PABPC1L: variants seen among roughly 807,000 people sequenced by gnomAD.
PABPC1L encodes the protein polyadenylate-binding protein 1-like.
Under a neutral mutation model 66.6 loss-of-function variants are expected in PABPC1L, and 31 were observed. That is an observed-to-expected ratio of 0.47 (90% CI 0.35 to 0.63). PABPC1L has a LOEUF of 0.63. Ranked by LOEUF, PABPC1L falls within the 20% of genes least tolerant of loss-of-function variation. PABPC1L has a pLI of 0.00. For missense variants in PABPC1L, 722 were observed against 848.8 expected (o/e 0.85, Z 1.86); for synonymous variants, 348 against 335.1 (o/e 1.04, Z -0.42).
intron 14 of PABPC1L, 93 bp downstream of exon 14, chr20:44,938,841 G>A (rs1013569316): frequency 2.0e-5 from 25 of 1,269,152 alleles, no homozygotes; most frequent in Admixed American, 1.0e-4. Flanking sequence ...GAATTGCGCC[G>A]TGTTCCTGGC....
intron 14 of PABPC1L, 38 bp downstream of exon 14, chr20:44,938,786 G>A: frequency 2.5e-6 from 4 of 1,580,892 alleles, no homozygotes; most frequent in Non-Finnish European, 2.6e-6. Flanking sequence ...GAGCCCGGGA[G>A]AAGCTGTAAG....
rs969647231 is a variant in PABPC1L, at chr20:44,921,627, G to A, written c.772G>A (p.Gly258Arg). 5 of 1,613,974 alleles carry A rather than the reference G, an allele frequency of 3.1e-6. No homozygotes were observed. The highest frequency in any genetic ancestry group is 3.3e-5 in the Admixed American group (2 of 59,992). The change falls in exon 6 of 15, where the codon GGG becomes AGG. Residue 258 changes from glycine (G) to arginine (R), a missense_variant. By Grantham distance (125) the Gly-to-Arg change is moderately radical (BLOSUM62 -2). Around this residue, in one of 3 missense-constraint regions of PABPC1L, gnomAD observed 137 missense variants for 216.8 expected, o/e 0.63. Coordinates refer to ENST00000217073, the MANE Select transcript of PABPC1L (RefSeq NM_001372179.1). ...VVHMNGKEVS[G>R]RLLYAGRAQK... ...CCATATGAACGGGAAGGAGGTGAGC[G>A]GGCGGCTGCTGTACGCGGGCCGGGC...
At chr20:44,922,747 C>T (rs755517088) in intron 6 of PABPC1L, among the ~76,000 whole-genome samples, 7 of 152,206 alleles carry the variant, frequency 4.6e-5, no homozygotes, top group Admixed American at 3.3e-4. Flanking sequence ...ACACAAAACA[C>T]GCACACATAC....
chr20:44,910,615 G>A (rs903963941), intron 1 of PABPC1L, among the ~76,000 whole-genome samples: 2 of 152,108 alleles, frequency 1.3e-5, no homozygotes, highest in Non-Finnish European at 2.9e-5. Flanking sequence ...GCGGACCAGG[G>A]ATAGAAGCCC....
At chr20:44,932,026 G>A (rs148249424) in intron 8 of PABPC1L, 9 of 202,292 alleles carry the variant, frequency 4.4e-5, no homozygotes, top group South Asian at 1.8e-4. Flanking sequence ...AGGCCACCAC[G>A]GTAAGAACAT....
chr20:44,921,751 T>C lies in PABPC1L; in HGVS notation c.876+20T>C, dbSNP rs747000277. 227 of 1,612,610 alleles carry C rather than the reference T, an allele frequency of 1.4e-4. No individual in the cohort carries two copies. The highest frequency in any genetic ancestry group is 1.9e-4 in the Non-Finnish European group (222 of 1,179,600). On this transcript the variant is annotated intron_variant, in intron 6 of 14. Transcript: ENST00000217073. ...TACCAGGTGAGGTCAGGCTTCCTGG[T>C]GGCAGCCACTTCTGTGTGAGAGCAG...
At position 44,916,781 on chromosome 20, in the gene PABPC1L, G is replaced by A. The variant is rs772807340; in HGVS notation, c.413G>A (p.Arg138Gln). 7 of 1,614,160 alleles carry A rather than the reference G, an allele frequency of 4.3e-6. No individual in the cohort carries two copies. The highest frequency in any genetic ancestry group is 2.2e-5 in the East Asian group (1 of 44,882). ...CKVACDEHGS[R>Q]GFGFVHFETH... ...GTGGCGTGTGACGAGCATGGCTCCC[G>A]GGGTTTCGGCTTTGTCCATTTTGAG... Residue 138 changes from arginine to glutamine, a missense_variant, in exon 3 of 15, where the codon CGG (arginine) becomes CAG (glutamine). Arg to Gln is a conservative substitution (Grantham distance 43). Coordinates refer to ENST00000217073, the MANE Select transcript of PABPC1L (RefSeq NM_001372179.1).
chr20:44,916,516 T>G (rs1260848705), intron 2 of PABPC1L, among the ~76,000 whole-genome samples: 1 of 152,126 alleles, frequency 6.6e-6, no homozygotes, highest in African/African-American at 2.4e-5. Flanking sequence ...TCAAGTGATA[T>G]GCCCACCTCG....
intron 7 of PABPC1L, among the ~76,000 whole-genome samples, chr20:44,925,603 G>C (rs1234573809): frequency 6.6e-6 from 1 of 152,184 alleles, no homozygotes; most frequent in East Asian, 1.9e-4. Context: ...GTGATGTTGG[G>C]TTCTGAGGAA....
At chr20:44,927,721 C>T (rs904890845) in intron 7 of PABPC1L, among the ~76,000 whole-genome samples, 1 of 152,122 alleles carries the variant, frequency 6.6e-6, no homozygotes, top group African/African-American at 2.4e-5. Context: ...GACAGAGTCT[C>T]GCTCTATCAC....
intron 9 of PABPC1L, chr20:44,932,770 G>T: frequency 4.0e-6 from 2 of 496,326 alleles, no homozygotes; most frequent in Non-Finnish European, 7.3e-6. Flanking sequence ...AGAGTGAATT[G>T]CACGCTCACT....
chr20:44,921,506 C>T (rs2066772798), intron 5 of PABPC1L, 88 bp from the exon 6 acceptor site: 1 of 1,533,642 alleles, frequency 6.5e-7, no homozygotes. Context: ...GCCTGGTTTG[C>T]AGGTGGCCCC....
At chr20:44,938,873 T>C (rs1266524301) in intron 14 of PABPC1L, 125 bp downstream of exon 14, 1 of 961,986 alleles carries the variant, frequency 1.0e-6, no homozygotes, top group African/African-American at 1.6e-5. Context: ...CACCAAAGAG[T>C]TTGGAGGAAG....
chr20:44,936,647 C>T lies in PABPC1L; in HGVS notation c.1577C>T (p.Pro526Leu), dbSNP rs139734797. ...CCCGGCACCATGCAGGTCCAGGAGCCGGCTGTGCACATCCCAGGACAGGAG... is the reference window on the plus strand; with the variant it reads ...CCCGGCACCATGCAGGTCCAGGAGCTGGCTGTGCACATCCCAGGACAGGAG... ...AAHSTYRVQE[P>L]AVHIPGQEPL... The change falls in exon 12 of 15, where the codon CCG becomes CTG. Residue 526 changes from proline to leucine, a missense_variant. This residue lies in a region of PABPC1L where 301 missense variants were observed against 337.2 expected (regional missense o/e 0.89). Transcript: ENST00000217073. 2,852 of 1,596,790 alleles carry T rather than the reference C, an allele frequency of 1.8e-3. 6 individuals are homozygous for T. The highest frequency in any genetic ancestry group is 2.3e-3 in the Non-Finnish European group (2,650 of 1,172,794).
At chr20:44,925,197 C>T (rs113068009) in intron 7 of PABPC1L, among the ~76,000 whole-genome samples, 3,291 of 129,558 alleles carry the variant, frequency 0.025, 58 homozygotes, top group Middle Eastern at 0.062. Context: ...TGGGCAACAG[C>T]GAGACTCTGT....
chr20:44,918,096 T>C (rs1601109622), intron 3 of PABPC1L, among the ~76,000 whole-genome samples: 1 of 152,080 alleles, frequency 6.6e-6, no homozygotes, highest in East Asian at 1.9e-4. Context: ...GAGGCAGAGG[T>C]GGGTGAATCA....
At chr20:44,920,091 C>T (rs1201214128) in intron 5 of PABPC1L, among the ~76,000 whole-genome samples, 1 of 152,120 alleles carries the variant, frequency 6.6e-6, no homozygotes, top group Non-Finnish European at 1.5e-5. Context: ...CAGCCTCTGC[C>T]ATTATCAATG....
intron 7 of PABPC1L, among the ~76,000 whole-genome samples, chr20:44,926,341 C>T (rs1368786771): frequency 6.6e-6 from 1 of 152,034 alleles, no homozygotes; most frequent in African/African-American, 2.4e-5. Context: ...ATTCTTCTCC[C>T]TCAGCCTCCT....
intron 6 of PABPC1L, 58 bp from the exon 7 acceptor site, chr20:44,924,103 C>A: frequency 7.0e-7 from 1 of 1,425,292 alleles, no homozygotes; most frequent in Non-Finnish European, 9.9e-7. Flanking sequence ...CTGATCTCCC[C>A]AAGGCAGTTG....
Sources: allele counts gnomAD v4.1 joint callset (sites outside exome capture counted in the v4.1 genomes callset), GRCh38; gene constraint gnomAD v4.1.1; regional missense constraint gnomAD v4.1.1; transcripts MANE v1.5; gene names NCBI Gene and HGNC (gene_info 2026-07-23, HGNC 2026-07-21).